CHN1: variants seen among roughly 807,000 people sequenced by gnomAD.
CHN1 encodes the protein N-chimaerin.
In CHN1, 37 loss-of-function variants were observed where a neutral mutation model predicts 59.5. The observed-to-expected ratio is 0.62, with a 90% CI of 0.48 to 0.82. The LOEUF (loss-of-function observed/expected upper bound fraction) is 0.82, where lower values mean the gene tolerates loss of function less well. CHN1 is among the 40% of genes least tolerant of loss of function. The pLI is 0.00. For missense variants in CHN1, 469 were observed against 571.0 expected (o/e 0.82, Z 1.82); for synonymous variants, 206 against 200.4 (o/e 1.03, Z -0.24).
intron 1 of CHN1, among the ~76,000 whole-genome samples, chr2:174,988,453 T>G (rs1691426756): frequency 6.6e-6 from 1 of 152,178 alleles, no homozygotes; most frequent in Admixed American, 6.5e-5. Context: ...TTTTTAATTG[T>G]CTACAACTTC....
chr2:175,003,029 T>C (rs571610979), intron 1 of CHN1, among the ~76,000 whole-genome samples: 31 of 152,190 alleles, frequency 2.0e-4, no homozygotes, highest in Admixed American at 1.3e-3. Flanking sequence ...CAAACTTGAG[T>C]GAGCATAAGA....
chr2:174,964,035 G>C (rs1259416606), intron 1 of CHN1, among the ~76,000 whole-genome samples: 4 of 152,180 alleles, frequency 2.6e-5, no homozygotes, highest in African/African-American at 9.6e-5. Context: ...AACCTTGTCA[G>C]AGAATTTTTT....
intron 5 of CHN1, among the ~76,000 whole-genome samples, chr2:174,903,409 T>G (rs1688450183): frequency 6.6e-6 from 1 of 152,212 alleles, no homozygotes; most frequent in South Asian, 2.1e-4. Context: ...CTTAATGATT[T>G]TCATTTAAAA....
intron 12 of CHN1, among the ~76,000 whole-genome samples, chr2:174,801,367 T>G (rs1383204911): frequency 3.2e-5 from 4 of 126,684 alleles, no homozygotes; most frequent in Admixed American, 8.9e-5. Context: ...CAAGTTGCTT[T>G]CTTCTTGCTT....
At position 174,950,777 on chromosome 2, in the gene CHN1, G is replaced by GTTT. The variant is rs34886920; in HGVS notation, c.58+1384_58+1386dup. ...ACTGAAAACCAGAAAATGCAGAGAA[G>GTTT]TTTTTTTTTTTTTTTTTTTTGAGAT... On this transcript the variant is annotated intron_variant, in intron 2 of 12. Coordinates refer to ENST00000409900, the MANE Select transcript of CHN1 (RefSeq NM_001822.7). Among the ~76,000 whole-genome samples the GTTT allele has an allele frequency of 3.0e-3, 379 of 127,292 alleles. 10 individuals carry two copies. The highest frequency in any genetic ancestry group is 0.01 in the African/African-American group (338 of 32,306). 83.5% of individuals were successfully genotyped at this position (127,292 alleles called of 152,430 possible).
chr2:174,951,319 A>G (rs573805720), intron 2 of CHN1, among the ~76,000 whole-genome samples: 3 of 152,212 alleles, frequency 2.0e-5, no homozygotes, highest in African/African-American at 7.2e-5. Context: ...TTCTGAGAAC[A>G]TAAGACCAAT....
chr2:174,902,638 T>G (rs1015681923), intron 5 of CHN1, among the ~76,000 whole-genome samples: 32 of 152,142 alleles, frequency 2.1e-4, no homozygotes, highest in Admixed American at 1.3e-4. Flanking sequence ...ACAAGAAGGT[T>G]TGCAGGAAAT....
chr2:174,845,475 G>GAATGTAT (rs1686476040), intron 7 of CHN1, among the ~76,000 whole-genome samples: 1 of 151,958 alleles, frequency 6.6e-6, no homozygotes, highest in Non-Finnish European at 1.5e-5. Flanking sequence ...TATTGCTTAG[G>GAATGTAT]TTCCTAAATG....
chr2:174,850,443 G>C (rs1686691881), intron 6 of CHN1, among the ~76,000 whole-genome samples: 2 of 152,124 alleles, frequency 1.3e-5, no homozygotes, highest in Admixed American at 6.6e-5. Context: ...TGGGAGTTCT[G>C]CTTTGTTTCT....
intron 7 of CHN1, among the ~76,000 whole-genome samples, chr2:174,824,831 G>A (rs1685630823): frequency 6.6e-6 from 1 of 152,074 alleles, no homozygotes; most frequent in African/African-American, 2.4e-5. Flanking sequence ...GGCTAGTCTT[G>A]AACTTCTGAG....
At chr2:174,895,169 T>C (rs1005566627) in intron 5 of CHN1, among the ~76,000 whole-genome samples, 42 of 147,770 alleles carry the variant, frequency 2.8e-4, no homozygotes, top group African/African-American at 1.0e-3. Flanking sequence ...TATGTGGTTA[T>C]ATATAGGAGT....
intron 1 of CHN1, among the ~76,000 whole-genome samples, chr2:175,000,863 G>A (rs1204130654): frequency 6.6e-6 from 1 of 152,136 alleles, no homozygotes; most frequent in Non-Finnish European, 1.5e-5. Context: ...AGGAGGCATG[G>A]GCCACCCATT....
chr2:174,814,598 G>A (rs1446115228), intron 8 of CHN1, among the ~76,000 whole-genome samples: 2 of 152,186 alleles, frequency 1.3e-5, no homozygotes, highest in South Asian at 2.1e-4. Flanking sequence ...GTTTATTAGT[G>A]TTCATGTGAG....
rs530132863 is a variant in CHN1, at chr2:174,916,883, T to C, written c.146+1651A>G. ...TAATACAGTTGGTAAAATATAGTTATCTATCTGTTTAAAAATTCAATTAAC... is the reference window on the plus strand; with the variant it reads ...TAATACAGTTGGTAAAATATAGTTACCTATCTGTTTAAAAATTCAATTAAC... On this transcript the variant is annotated intron_variant, in intron 4 of 12. Coordinates refer to ENST00000409900, the MANE Select transcript of CHN1 (RefSeq NM_001822.7). Among the ~76,000 whole-genome samples, 25 of 152,334 alleles carry C rather than the reference T, an allele frequency of 1.6e-4. No homozygotes were observed. In the East Asian group the frequency reaches 4.6e-3, roughly 28 times the overall value.
rs959088708 is a variant in CHN1, at chr2:174,881,993, T to C, written c.261-3865A>G. On this transcript the variant is annotated intron_variant, in intron 5 of 12. Coordinates refer to ENST00000409900, the MANE Select transcript of CHN1 (RefSeq NM_001822.7). Reference sequence around the variant, plus strand: ...CTACTGAACCCTAGACTACAGAGCATTGATTTGTAAAAACTGTTGAGGCTA... The same window carrying C: ...CTACTGAACCCTAGACTACAGAGCACTGATTTGTAAAAACTGTTGAGGCTA... Among the ~76,000 whole-genome samples the C allele has an allele frequency of 6.6e-5, 10 of 152,342 alleles. 1 individual carries two copies. Among genetic ancestry groups the C allele is most frequent in the East Asian group, 3.9e-4 (2 of 5,180 alleles).
Position 174,801,804 on chromosome 2 carries a change from C to T in CHN1, c.1111G>A (p.Asp371Asn). ...AGGGTTTCCAATTGCTCATCCGGAT[C>T]CATAATTTCTAAAATAGCAAGTCGA... ...PKFIESAKIMDPDEQLETLHE... is the reference protein window; with the variant it reads ...PKFIESAKIMNPDEQLETLHE... The change falls in exon 12 of 13, where the codon GAT becomes AAT. Residue 371 changes from aspartate to asparagine, a missense_variant. Asp to Asn is a conservative substitution (Grantham distance 23). Transcript: ENST00000409900. 1 of 1,611,744 alleles carries T rather than the reference C, an allele frequency of 6.2e-7. No homozygotes were observed. The highest frequency in any genetic ancestry group is 8.5e-7 in the Non-Finnish European group (1 of 1,178,166).
intron 2 of CHN1, among the ~76,000 whole-genome samples, chr2:174,946,315 T>C (rs910387781): frequency 2.0e-5 from 3 of 152,212 alleles, no homozygotes; most frequent in Admixed American, 6.5e-5. Context: ...ATAATAATAC[T>C]TGATTACTAG....
intron 1 of CHN1, among the ~76,000 whole-genome samples, chr2:174,965,053 T>G (rs1341623265): frequency 6.6e-6 from 1 of 152,132 alleles, no homozygotes; most frequent in East Asian, 1.9e-4. Context: ...CCTAGTTAAA[T>G]CCATCTTTGA....
intron 5 of CHN1, among the ~76,000 whole-genome samples, chr2:174,912,163 A>C (rs1004990457): frequency 6.6e-6 from 1 of 152,184 alleles, no homozygotes; most frequent in African/African-American, 2.4e-5. Context: ...TGGCTCCAAA[A>C]CACAAAAAAA....
Sources: allele counts gnomAD v4.1 joint callset (sites outside exome capture counted in the v4.1 genomes callset), GRCh38; gene constraint gnomAD v4.1.1; transcripts MANE v1.5; gene names NCBI Gene and HGNC (gene_info 2026-07-23, HGNC 2026-07-21).